ZNG1E: variants seen among roughly 807,000 people sequenced by gnomAD.
ZNG1E encodes Zn regulated GTPase metalloprotein activator 1E, also known as zinc-regulated GTPase metalloprotein activator 1E.
chr9:65,714,997 C>T, the ZNG1E span, among the ~76,000 whole-genome samples: 1 of 149,930 alleles, frequency 6.7e-6, no homozygotes, highest in South Asian at 2.1e-4. Flanking sequence ...CTCCCCCAGC[C>T]TCGCTGCCGC....
At chr9:65,718,950 G>A in the ZNG1E span, among the ~76,000 whole-genome samples, 1 of 57,026 alleles carries the variant, frequency 1.8e-5, no homozygotes, top group Non-Finnish European at 3.6e-5. Flanking sequence ...TTCGTTGTTA[G>A]ATTTTTTTTT....
chr9:65,667,431 T>C, the ZNG1E span, among the ~76,000 whole-genome samples: 1 of 152,280 alleles, frequency 6.6e-6, no homozygotes, highest in Non-Finnish European at 1.5e-5. Flanking sequence ...TATTAAAATA[T>C]ATTGAATTTG....
chr9:65,713,372 TTA>T, the ZNG1E span, among the ~76,000 whole-genome samples: 1 of 112,272 alleles, frequency 8.9e-6, no homozygotes, highest in African/African-American at 3.6e-5. Context: ...GTTAATATCG[TTA>T]TGTGTGAATT....
chr9:65,675,191 C>G, the ZNG1E span, among the ~76,000 whole-genome samples: 932 of 150,850 alleles, frequency 6.2e-3, no homozygotes, highest in East Asian at 0.028. Context: ...CACATAGGTA[C>G]GTGTAACTTA....
At chr9:65,710,641 G>A in the ZNG1E span, among the ~76,000 whole-genome samples, 1 of 152,014 alleles carries the variant, frequency 6.6e-6, no homozygotes, top group Non-Finnish European at 1.5e-5. Context: ...TTTTTCTCAG[G>A]TTTGTCAAAG....
chr9:65,667,496 A>G, the ZNG1E span, among the ~76,000 whole-genome samples: 5 of 152,282 alleles, frequency 3.3e-5, no homozygotes, highest in Admixed American at 2.6e-4. Context: ...CCAGTCTAAA[A>G]TATCAAAGGA....
chr9:65,684,236 A>G, the ZNG1E span, among the ~76,000 whole-genome samples: 1 of 151,952 alleles, frequency 6.6e-6, no homozygotes, highest in African/African-American at 2.4e-5. Context: ...TCATCTCACT[A>G]TTGTGATATA....
chr9:65,715,288 C>T, the ZNG1E span, among the ~76,000 whole-genome samples: 3 of 149,986 alleles, frequency 2.0e-5, no homozygotes, highest in African/African-American at 7.5e-5. Flanking sequence ...CTGACCTGCG[C>T]CCACTGTCTG....
the ZNG1E span, among the ~76,000 whole-genome samples, chr9:65,715,046 C>G: frequency 2.0e-5 from 3 of 149,182 alleles, no homozygotes; most frequent in African/African-American, 7.7e-5. Flanking sequence ...TAGCAATCAG[C>G]GAGACTCCGT....
chr9:65,714,332 G>T, the ZNG1E span, among the ~76,000 whole-genome samples: 1 of 151,458 alleles, frequency 6.6e-6, no homozygotes, highest in Non-Finnish European at 1.5e-5. Context: ...TAATTTGATC[G>T]TCTGAAGCCT....
chr9:65,717,950 G>A, the ZNG1E span, among the ~76,000 whole-genome samples: 1 of 146,154 alleles, frequency 6.8e-6, no homozygotes, highest in Non-Finnish European at 1.5e-5. Flanking sequence ...GCCTCCCAAA[G>A]TAATGGGATT....
At chr9:65,684,549 C>CACGCACACGCAT in the ZNG1E span, among the ~76,000 whole-genome samples, 39 of 65,680 alleles carry the variant, frequency 5.9e-4, no homozygotes, top group African/African-American at 9.1e-4. Context: ...CACACACGCA[C>CACGCACACGCAT]GCACACACAC....
At chr9:65,688,090 C>A in the ZNG1E span, among the ~76,000 whole-genome samples, 306 of 151,428 alleles carry the variant, frequency 2.0e-3, no homozygotes, top group African/African-American at 7.0e-3. Context: ...TTACTGTGAT[C>A]ATCTGAAGCC....
At chr9:65,716,365 C>T in the ZNG1E span, among the ~76,000 whole-genome samples, 2 of 151,224 alleles carry the variant, frequency 1.3e-5, no homozygotes, top group Non-Finnish European at 1.5e-5. Context: ...GCTATGTTGC[C>T]TAGGCTGGTC....
chr9:65,664,066 T>A, the ZNG1E span, among the ~76,000 whole-genome samples: 2 of 152,240 alleles, frequency 1.3e-5, no homozygotes, highest in Admixed American at 1.3e-4. Context: ...GGAATCATAC[T>A]GCATACTTAT....
chr9:65,668,400 C>A, the ZNG1E span, among the ~76,000 whole-genome samples: 1 of 143,708 alleles, frequency 7.0e-6, no homozygotes, highest in Non-Finnish European at 1.5e-5. Flanking sequence ...GTGAAAGATA[C>A]TCCACGTTTT....
At chr9:65,693,476 AAGTT>A in the ZNG1E span, 1 of 1,281,750 alleles carries the variant, frequency 7.8e-7, no homozygotes, top group African/African-American at 1.5e-5. Context: ...CCAAAGCAGT[AAGTT>A]CTTAGAAGTT....
the ZNG1E span, among the ~76,000 whole-genome samples, chr9:65,680,254 A>G: frequency 2.0e-5 from 3 of 152,236 alleles, no homozygotes; most frequent in Admixed American, 6.5e-5. Context: ...TAAAAGAGCT[A>G]GGTTTTATGA....
the ZNG1E span, chr9:65,719,858 T>A: frequency 2.7e-5 from 28 of 1,044,872 alleles, no homozygotes; most frequent in Non-Finnish European, 3.7e-5. Context: ...TTTAAGAAAT[T>A]TTAAAAAAAC....
Sources: gnomAD v4.1 joint callset for allele counts (sites outside exome capture counted in the v4.1 genomes callset) on GRCh38, gnomAD v4.1.1 for gene constraint, MANE v1.5 for transcripts, NCBI Gene and HGNC (gene_info 2026-07-23, HGNC 2026-07-21) for gene names.